OR9Q1: variants seen among roughly 807,000 people sequenced by gnomAD.
The protein encoded by OR9Q1 is olfactory receptor family 9 subfamily Q member 1, also known as olfactory receptor 9Q1.
For synonymous variants in OR9Q1, 153 were observed against 148.6 expected (o/e 1.03, Z -0.22); for missense variants, 374 against 378.8 (o/e 0.99, Z 0.11).
At chr11:58,116,824 G>C (rs1032475494) in intron 2 of OR9Q1, 3 of 152,310 alleles carry the variant, frequency 2.0e-5, no homozygotes, top group Admixed American at 6.5e-5. Context: ...CATATGGAGA[G>C]GCAATGAGGA....
chr11:58,080,881 A>G (rs537464658), intron 2 of OR9Q1, among the ~76,000 whole-genome samples: 10 of 152,292 alleles, frequency 6.6e-5, no homozygotes, highest in African/African-American at 2.4e-4. Context: ...GGTTTGTCAC[A>G]TAGGTATACA....
At chr11:58,077,703 G>T (rs750800641) in intron 2 of OR9Q1, 4 of 152,198 alleles carry the variant, frequency 2.6e-5, no homozygotes, top group Non-Finnish European at 4.4e-5. Flanking sequence ...TAATTATCTT[G>T]CTGTTTCCTG....
chr11:58,054,217 G>A (rs1853304816), intron 1 of OR9Q1, among the ~76,000 whole-genome samples: 1 of 152,314 alleles, frequency 6.6e-6, no homozygotes, highest in Non-Finnish European at 1.5e-5. Context: ...TTTAGATCCA[G>A]TGGTTTGATC....
intron 2 of OR9Q1, among the ~76,000 whole-genome samples, chr11:58,086,164 G>A (rs1853631665): frequency 6.6e-6 from 1 of 151,760 alleles, no homozygotes. Context: ...CAACTCAATA[G>A]CAAAAAACCA....
chr11:58,053,350 A>G (rs28680995), intron 1 of OR9Q1, among the ~76,000 whole-genome samples: 2 of 149,898 alleles, frequency 1.3e-5, no homozygotes, highest in East Asian at 4.0e-4. Flanking sequence ...TCGCAAGGAC[A>G]AAAAACCAAA....
intron 2 of OR9Q1, among the ~76,000 whole-genome samples, chr11:58,179,084 C>T (rs1050739312): frequency 8.0e-5 from 12 of 150,002 alleles, no homozygotes; most frequent in East Asian, 4.0e-4. Flanking sequence ...GGTGCCATCT[C>T]GGCTCACTGC....
At chr11:58,061,983 AG>A (rs1440029618) in intron 2 of OR9Q1, among the ~76,000 whole-genome samples, 1 of 152,204 alleles carries the variant, frequency 6.6e-6, no homozygotes, top group African/African-American at 2.4e-5. Flanking sequence ...GTGGTACGTG[AG>A]CAACAAGATG....
rs192200931 is a variant in OR9Q1 at position 58,176,939 on chromosome 11, C to G, written c.-14-2492C>G. 2.3e-3 allele frequency among the ~76,000 whole-genome samples: 348 copies of G among 152,150 alleles called. 1 individual carries two copies. Among genetic ancestry groups the G allele is most frequent in the Non-Finnish European group, 4.3e-3 (294 of 67,998 alleles). Reference sequence around the variant, plus strand: ...TTAGACATTAAGGAAAAATAGTGGACAAAGAGAGAAGAGGACCTGCCAGGT... The same window carrying G: ...TTAGACATTAAGGAAAAATAGTGGAGAAAGAGAGAAGAGGACCTGCCAGGT... On this transcript the variant is annotated intron_variant, in intron 2 of 2. Transcript: ENST00000335397.
At chr11:58,079,408 A>G (rs1450618128) in intron 2 of OR9Q1, among the ~76,000 whole-genome samples, 5 of 152,168 alleles carry the variant, frequency 3.3e-5, no homozygotes, top group Non-Finnish European at 7.4e-5. Flanking sequence ...AAAATTATAT[A>G]CTTTTTAGAG....
intron 2 of OR9Q1, among the ~76,000 whole-genome samples, chr11:58,137,848 A>G (rs111804873): frequency 6.6e-6 from 1 of 152,228 alleles, no homozygotes; most frequent in Admixed American, 6.5e-5. Flanking sequence ...TACCTAGAAC[A>G]GTATTTATCA....
intron 2 of OR9Q1, chr11:58,118,498 A>G: frequency 6.3e-7 from 1 of 1,576,838 alleles, no homozygotes; most frequent in Non-Finnish European, 8.6e-7. Context: ...TCTTACTTAG[A>G]TCTACATGCT....
chr11:58,151,776 A>T (rs924825907), intron 2 of OR9Q1, among the ~76,000 whole-genome samples: 1 of 147,950 alleles, frequency 6.8e-6, no homozygotes, highest in African/African-American at 2.5e-5. Context: ...CCCCCAGACC[A>T]TTTTTTTTTT....
intron 2 of OR9Q1, among the ~76,000 whole-genome samples, chr11:58,172,174 AT>A (rs1854562035): frequency 6.6e-6 from 1 of 152,144 alleles, no homozygotes; most frequent in Non-Finnish European, 1.5e-5. Flanking sequence ...TGTTTGAATG[AT>A]TTGTAATTTT....
intron 2 of OR9Q1, among the ~76,000 whole-genome samples, chr11:58,166,416 T>C (rs185542291): frequency 1.3e-5 from 2 of 152,374 alleles, no homozygotes; most frequent in Admixed American, 6.5e-5. Context: ...ACAAAAATTG[T>C]ATCATATTTT....
At chr11:58,095,728 C>A (rs533935008) in intron 2 of OR9Q1, among the ~76,000 whole-genome samples, 1 of 152,034 alleles carries the variant, frequency 6.6e-6, no homozygotes, top group Admixed American at 6.6e-5. Context: ...CCTCCCATGG[C>A]GAGTGGGGAT....
rs146272344 is a variant in OR9Q1, at chr11:58,168,118, A to T, written c.-14-11313A>T. Among the ~76,000 whole-genome samples the T allele has an allele frequency of 2.8e-3, 424 of 152,312 alleles. 1 individual carries two copies. Among genetic ancestry groups the T allele is most frequent in the Admixed American group, 5.4e-3 (82 of 15,306 alleles). Reference sequence around the variant, plus strand: ...ATTTCATTCCAAAAACTGACACATGATAAACACTCATCTACCCACCATCCA... The same window carrying T: ...ATTTCATTCCAAAAACTGACACATGTTAAACACTCATCTACCCACCATCCA... On this transcript the variant is annotated intron_variant, in intron 2 of 2. Coordinates refer to ENST00000335397, the MANE Select transcript of OR9Q1 (RefSeq NM_001005212.4).
At chr11:58,174,515 T>C (rs1854586094) in intron 2 of OR9Q1, among the ~76,000 whole-genome samples, 1 of 151,970 alleles carries the variant, frequency 6.6e-6, no homozygotes, top group South Asian at 2.1e-4. Flanking sequence ...TGTTGCATAA[T>C]ATACAGTTCA....
At chr11:58,175,960 A>G (rs1854602786) in intron 2 of OR9Q1, among the ~76,000 whole-genome samples, 1 of 152,112 alleles carries the variant, frequency 6.6e-6, no homozygotes, top group Non-Finnish European at 1.5e-5. Flanking sequence ...TTCTCCTCTG[A>G]GCAACATCCC....
intron 2 of OR9Q1, among the ~76,000 whole-genome samples, chr11:58,060,726 T>C (rs1366094549): frequency 6.6e-6 from 1 of 152,028 alleles, no homozygotes. Context: ...TAATTCCAGT[T>C]ACTTGGAAGG....
Sources: allele counts gnomAD v4.1 joint callset (sites outside exome capture counted in the v4.1 genomes callset), GRCh38; gene constraint gnomAD v4.1.1; transcripts MANE v1.5; gene names NCBI Gene and HGNC (gene_info 2026-07-23, HGNC 2026-07-21).